The following LASP1 variants were observed in gnomAD, a reference collection of about 807,000 sequenced individuals.
LASP1 encodes LIM and SH3 protein 1.
LASP1 carries 10 observed loss-of-function variants against 38.6 expected under a neutral mutation model. That is an observed-to-expected ratio of 0.26 (90% confidence interval 0.16 to 0.44). The LOEUF is 0.44. LASP1 is among the 20% of genes least tolerant of loss of function. The pLI is 1.00. For missense variants in LASP1, 243 were observed against 375.7 expected, an observed-to-expected ratio of 0.65 and a Z score of 2.92; for synonymous variants, 132 against 140.8, an observed-to-expected ratio of 0.94 and a Z score of 0.44.
chr17:38,914,941 TG>T lies in LASP1; in HGVS notation c.509-97del, dbSNP rs569509994. On this transcript the variant is annotated intron_variant, in intron 5 of 6. Transcript: ENST00000318008. ...TTGAGCTGTGGGGCTTGAGCCAGGT[TG>T]GGGGCGGGGTGGAAGTGCATGGTAT... The T allele has an allele frequency of 5.4e-4, 565 of 1,038,334 alleles. 4 individuals are homozygous for T. Among genetic ancestry groups the T allele is most frequent in the Middle Eastern group, 2.9e-3 (14 of 4,788 alleles). The allele number at this position is 1,038,334 out of a possible 1,614,324, so 64.3% of individuals were successfully genotyped here.
At chr17:38,915,333 C>A (rs1287975967) in intron 6 of LASP1, 187 bp downstream of exon 6, 3 of 531,138 alleles carry the variant, frequency 5.6e-6, no homozygotes, top group Non-Finnish European at 3.4e-6. Flanking sequence ...GGGACTGGGG[C>A]CCTGCGTTCC....
intron 4 of LASP1, chr17:38,904,003 G>T (rs1301482389): frequency 6.6e-6 from 1 of 152,162 alleles, no homozygotes; most frequent in East Asian, 1.9e-4. Context: ...CTTTACTGGA[G>T]CCTCTTCTTT....
intron 3 of LASP1, among the ~76,000 whole-genome samples, chr17:38,892,084 G>A (rs1230038861): frequency 1.3e-5 from 2 of 152,158 alleles, no homozygotes; most frequent in African/African-American, 4.8e-5. Flanking sequence ...GTGAGACCCT[G>A]TCTCTAAAAA....
intron 2 of LASP1, among the ~76,000 whole-genome samples, chr17:38,885,978 C>T (rs1914114338): frequency 6.6e-6 from 1 of 152,094 alleles, no homozygotes; most frequent in Non-Finnish European, 1.5e-5. Flanking sequence ...CCTAAATTAT[C>T]CAGAAAGATC....
intron 4 of LASP1, among the ~76,000 whole-genome samples, chr17:38,906,597 C>CA (rs1478292626): frequency 6.6e-6 from 1 of 151,662 alleles, no homozygotes; most frequent in Admixed American, 6.6e-5. Context: ...TAAGGGCACC[C>CA]AAAAAAAGAC....
chr17:38,890,311 C>T (rs1254770927), intron 2 of LASP1, 109 bp from the exon 3 acceptor site: 11 of 965,794 alleles, frequency 1.1e-5, no homozygotes, highest in Admixed American at 3.9e-5. Context: ...CGGGCCAGGG[C>T]GTGCCCAAGC....
chr17:38,880,743 G>A (rs896666536), intron 2 of LASP1, among the ~76,000 whole-genome samples: 1 of 152,216 alleles, frequency 6.6e-6, no homozygotes, highest in African/African-American at 2.4e-5. Context: ...GATGAACCAG[G>A]TGTGGCGCCC....
intron 4 of LASP1, among the ~76,000 whole-genome samples, chr17:38,906,203 G>A (rs1914772761): frequency 1.3e-5 from 2 of 152,154 alleles, no homozygotes; most frequent in Non-Finnish European, 1.5e-5. Context: ...TTCCCTATCT[G>A]TAAAATGGCA....
At chr17:38,870,350 C>A in intron 1 of LASP1, 92 bp downstream of exon 1, 4 of 1,390,392 alleles carry the variant, frequency 2.9e-6, no homozygotes, top group Non-Finnish European at 4.0e-6. Flanking sequence ...GCCGCCTTAT[C>A]CCCGCGATCC....
intron 4 of LASP1, among the ~76,000 whole-genome samples, chr17:38,901,835 G>A (rs1292265823): frequency 3.9e-5 from 6 of 152,036 alleles, no homozygotes; most frequent in African/African-American, 1.4e-4. Flanking sequence ...GCGCAATCTC[G>A]GCTCACTGCA....
intron 4 of LASP1, 32 bp downstream of exon 4, chr17:38,898,551 G>C (rs1219885033): frequency 6.8e-7 from 1 of 1,477,776 alleles, no homozygotes; most frequent in Non-Finnish European, 9.3e-7. Flanking sequence ...CGGCATCCCT[G>C]CTGCCCTCTG....
At chr17:38,900,830 C>T (rs903603814) in intron 4 of LASP1, among the ~76,000 whole-genome samples, 1 of 152,222 alleles carries the variant, frequency 6.6e-6, no homozygotes, top group Non-Finnish European at 1.5e-5. Flanking sequence ...CCTCCTTCCC[C>T]TCCAACTTCC....
intron 4 of LASP1, among the ~76,000 whole-genome samples, chr17:38,906,150 A>G (rs1914771977): frequency 6.6e-6 from 1 of 152,086 alleles, no homozygotes; most frequent in African/African-American, 2.4e-5. Flanking sequence ...TTAGAACTGG[A>G]TTCTGACTTA....
chr17:38,909,716 G>T (rs1914876584), intron 4 of LASP1, among the ~76,000 whole-genome samples: 1 of 148,900 alleles, frequency 6.7e-6, no homozygotes, highest in Non-Finnish European at 1.5e-5. Flanking sequence ...CCTGGTTCTG[G>T]TTCTTTTTCA....
At chr17:38,890,026 C>A (rs1428576144) in intron 2 of LASP1, among the ~76,000 whole-genome samples, 1 of 152,246 alleles carries the variant, frequency 6.6e-6, no homozygotes, top group Non-Finnish European at 1.5e-5. Context: ...AAAGCTTAGT[C>A]CTGACTCACC....
intron 2 of LASP1, among the ~76,000 whole-genome samples, chr17:38,880,619 G>A (rs527561543): frequency 6.6e-6 from 1 of 152,196 alleles, no homozygotes; most frequent in Non-Finnish European, 1.5e-5. Flanking sequence ...AGACCTGGGG[G>A]CTTTGTGACC....
Position 38,898,460 on chromosome 17 carries a change from G to C in LASP1, c.298G>C (p.Val100Leu). The C allele has an allele frequency of 6.4e-7, 1 of 1,551,674 alleles. No individual in the cohort carries two copies. Among genetic ancestry groups the C allele is most frequent in the Non-Finnish European group, 8.7e-7 (1 of 1,146,934 alleles). The change falls in exon 4 of 7, where the codon GTA becomes CTA. Residue 100 changes from valine (V) to leucine (L), a missense_variant. Transcript: ENST00000318008. ...FEKNKGKGFS[V>L]VADTPELQRI... ...GAAGAACAAGGGCAAAGGTTTCAGCGTAGTGGCAGACACGCCCGAGCTCCA... is the reference window on the plus strand; with the variant it reads ...GAAGAACAAGGGCAAAGGTTTCAGCCTAGTGGCAGACACGCCCGAGCTCCA...
chr17:38,884,445 T>C (rs1914050907), intron 2 of LASP1, among the ~76,000 whole-genome samples: 1 of 151,104 alleles, frequency 6.6e-6, no homozygotes, highest in Non-Finnish European at 1.5e-5. Flanking sequence ...TGGAGTGCAA[T>C]GGCGCAATCT....
chr17:38,897,027 C>A, intron 3 of LASP1: 1 of 985,466 alleles, frequency 1.0e-6, no homozygotes, highest in Non-Finnish European at 1.2e-6. Flanking sequence ...TAAGAGTCAC[C>A]GTGCTGGCCC....
Sources: gnomAD v4.1 joint callset for allele counts (sites outside exome capture counted in the v4.1 genomes callset) on GRCh38, gnomAD v4.1.1 for gene constraint, MANE v1.5 for transcripts, NCBI Gene and HGNC (gene_info 2026-07-23, HGNC 2026-07-21) for gene names.